The following TEX9 variants were observed in gnomAD, a reference collection of about 807,000 sequenced individuals.
TEX9 encodes testis expressed 9, also known as testis-expressed protein 9.
In TEX9, 74 loss-of-function variants were observed where a neutral mutation model predicts 59.6. That is an observed-to-expected ratio of 1.24 (90% CI 1.03 to 1.51). The LOEUF is 1.51. Among genes scored for constraint, TEX9 ranks in the 40% most tolerant of loss-of-function variants. The pLI is 0.00. For missense variants in TEX9, 522 were observed against 447.8 expected (o/e 1.17, Z -1.49); for synonymous variants, 186 against 152.2 (o/e 1.22, Z -1.64).
chr15:56,271,238 T>C (rs2044522146), intron 1 of TEX9, among the ~76,000 whole-genome samples: 1 of 152,190 alleles, frequency 6.6e-6, no homozygotes, highest in Non-Finnish European at 1.5e-5. Flanking sequence ...ATTTTCGAGC[T>C]TGGTTCCATT....
At chr15:56,429,279 A>AAAGTT in intron 12 of TEX9, 1 of 811,922 alleles carries the variant, frequency 1.2e-6, no homozygotes, top group Non-Finnish European at 2.0e-6. Flanking sequence ...TAAGATTAGT[A>AAAGTT]AAGTTATCTC....
At chr15:56,403,618 T>C (rs1469825313) in intron 9 of TEX9, among the ~76,000 whole-genome samples, 1 of 152,194 alleles carries the variant, frequency 6.6e-6, no homozygotes, top group Non-Finnish European at 1.5e-5. Context: ...CTTCACAGAA[T>C]TGGAAAAAAC....
chr15:56,373,499 A>G (rs1447980269), exon 3 of TEX9: 8 of 1,565,916 alleles, frequency 5.1e-6, no homozygotes, highest in African/African-American at 1.4e-5. Flanking sequence ...AGCTAAGGAA[A>G]TAATAGTAAG....
intron 3 of TEX9, among the ~76,000 whole-genome samples, chr15:56,379,288 T>G (rs2047611173): frequency 6.6e-6 from 1 of 152,138 alleles, no homozygotes; most frequent in Non-Finnish European, 1.5e-5. Flanking sequence ...TCAGTTTCCT[T>G]CTTAGTTTCT....
At chr15:56,379,862 T>A (rs1232957494) in intron 3 of TEX9, among the ~76,000 whole-genome samples, 1 of 151,914 alleles carries the variant, frequency 6.6e-6, no homozygotes, top group African/African-American at 2.4e-5. Flanking sequence ...CTCCTGCTTT[T>A]TTTTTTTGGT....
At chr15:56,372,283 T>C (rs2047223632) in intron 2 of TEX9, among the ~76,000 whole-genome samples, 1 of 152,188 alleles carries the variant, frequency 6.6e-6, no homozygotes, top group Admixed American at 6.5e-5. Context: ...TTCTTAAAGC[T>C]TCAGACTGTT....
intron 1 of TEX9, among the ~76,000 whole-genome samples, chr15:56,247,818 T>C (rs1318426860): frequency 2.0e-5 from 3 of 152,216 alleles, no homozygotes; most frequent in Admixed American, 2.0e-4. Flanking sequence ...CTGTTCTCCT[T>C]CTTTCCCAAC....
At chr15:56,354,807 A>G (rs1201994248) in intron 1 of TEX9, among the ~76,000 whole-genome samples, 1 of 152,214 alleles carries the variant, frequency 6.6e-6, no homozygotes, top group Non-Finnish European at 1.5e-5. Flanking sequence ...TGCACTTTTA[A>G]TAAAGACTGA....
At chr15:56,448,136 G>C (rs2050921301), downstream of TEX9, among the ~76,000 whole-genome samples, 1 of 152,176 alleles carries the variant, frequency 6.6e-6, no homozygotes, top group South Asian at 2.1e-4. Flanking sequence ...TGTGGTCACA[G>C]GCTTTCATTT....
chr15:56,297,079 T>G (rs1460747167), intron 1 of TEX9, among the ~76,000 whole-genome samples: 1 of 152,140 alleles, frequency 6.6e-6, no homozygotes, highest in Non-Finnish European at 1.5e-5. Context: ...GAAGATAGAT[T>G]ATATTATAGA....
At chr15:56,292,451 C>T (rs191999855) in intron 1 of TEX9, among the ~76,000 whole-genome samples, 1 of 152,100 alleles carries the variant, frequency 6.6e-6, no homozygotes, top group South Asian at 2.1e-4. Context: ...TCTGAGTATT[C>T]CTGTGCCTGG....
chr15:56,421,193 A>T lies in TEX9; in HGVS notation c.964-6412A>T, dbSNP rs770892363. Among the ~76,000 whole-genome samples the T allele has an allele frequency of 6.7e-4, 102 of 152,006 alleles. 5 individuals are homozygous for T. The highest frequency in any genetic ancestry group is 1.7e-3 in the Admixed American group (26 of 15,288). On this transcript the variant is annotated intron_variant, in intron 10 of 12. Coordinates refer to ENST00000352903, the Ensembl canonical transcript of TEX9. ...GTCTATTTTCCCTTTCAGTCTTAACAATTTTTGCATCATGTATTTTGAGAC... is the reference window on the plus strand; with the variant it reads ...GTCTATTTTCCCTTTCAGTCTTAACTATTTTTGCATCATGTATTTTGAGAC...
At chr15:56,402,080 G>C (rs2048816631) in intron 9 of TEX9, among the ~76,000 whole-genome samples, 1 of 152,110 alleles carries the variant, frequency 6.6e-6, no homozygotes, top group Admixed American at 6.5e-5. Flanking sequence ...AACTAGAGAA[G>C]CAAGAGGAAA....
intron 1 of TEX9, among the ~76,000 whole-genome samples, chr15:56,262,942 C>A (rs1464282590): frequency 3.3e-5 from 5 of 152,176 alleles, no homozygotes; most frequent in African/African-American, 4.8e-5. Flanking sequence ...TTGCTGTTTG[C>A]ATGATAATAT....
intron 11 of TEX9, 132 bp from the exon 12 acceptor site, chr15:56,428,235 T>A: frequency 1.6e-6 from 1 of 619,340 alleles, no homozygotes; most frequent in Non-Finnish European, 2.8e-6. Context: ...CTTATTGGAA[T>A]TAAGAGTATA....
rs373570385 is a variant in TEX9, at chr15:56,317,123, C to T, written c.-106-56318C>T. The stretch of plus-strand genomic sequence containing the variant: ...AATCACCCGTCTTCTGCGTCGCTCA[C>T]GCTGGGAGCTGTAGACCGGAGCTGT... On this transcript the variant is annotated intron_variant, in intron 1 of 5. Coordinates refer to the TEX9 transcript ENST00000560827. Among the ~76,000 whole-genome samples, 8 of 152,314 alleles carry T rather than the reference C, an allele frequency of 5.3e-5. 1 individual carries two copies. Among genetic ancestry groups the T allele is most frequent in the Admixed American group, 2.0e-4 (3 of 15,314 alleles).
chr15:56,359,278 G>A (rs1363900590), intron 1 of TEX9, among the ~76,000 whole-genome samples: 1 of 152,070 alleles, frequency 6.6e-6, no homozygotes, highest in African/African-American at 2.4e-5. Flanking sequence ...TCATAAAGTT[G>A]TGCAATGATT....
intron 1 of TEX9, among the ~76,000 whole-genome samples, chr15:56,246,387 G>A (rs1161268587): frequency 1.3e-5 from 2 of 152,182 alleles, no homozygotes; most frequent in African/African-American, 4.8e-5. Context: ...GAAAGGGGCA[G>A]CCCTCACTAC....
downstream of TEX9, chr15:56,446,884 GC>G: frequency 6.2e-7 from 1 of 1,610,546 alleles, no homozygotes; most frequent in East Asian, 2.2e-5. Flanking sequence ...AATCTGAGCT[GC>G]CCTTTCTTTA....
Sources: gnomAD v4.1 joint callset for allele counts (sites outside exome capture counted in the v4.1 genomes callset) on GRCh38, gnomAD v4.1.1 for gene constraint, MANE v1.5 for transcripts, NCBI Gene and HGNC (gene_info 2026-07-23, HGNC 2026-07-21) for gene names.